Variants in DESI2 observed in about 807,000 individuals in gnomAD.
DESI2 encodes the protein desumoylating isopeptidase 2, also known as deubiquitinase DESI2.
In DESI2, 10 loss-of-function variants were observed where a neutral mutation model predicts 24.1. That is an observed-to-expected ratio of 0.41 (90% CI 0.26 to 0.70). The LOEUF (loss-of-function observed/expected upper bound fraction) is 0.70, where lower values mean the gene tolerates loss of function less well. Among genes scored for constraint, DESI2 ranks in the 30% least tolerant of loss-of-function variants. The pLI, the probability that DESI2 is intolerant of heterozygous loss-of-function variation, is 0.29. For synonymous variants in DESI2, 71 were observed against 87.7 expected, an observed-to-expected ratio of 0.81 and a Z score of 1.06; for missense variants, 122 against 234.9, an observed-to-expected ratio of 0.52 and a Z score of 3.14.
intron 1 of DESI2, among the ~76,000 whole-genome samples, chr1:244,676,218 A>G (rs1676410843): frequency 6.6e-6 from 1 of 151,982 alleles, no homozygotes; most frequent in Non-Finnish European, 1.5e-5. Context: ...CTGAAACTAC[A>G]GGTGCCTGCC....
chr1:244,682,362 A>G (rs890964128), intron 1 of DESI2, among the ~76,000 whole-genome samples: 14 of 152,182 alleles, frequency 9.2e-5, no homozygotes, highest in African/African-American at 3.4e-4. Flanking sequence ...AAGTTCTCCA[A>G]GTCCCCACCT....
intron 1 of DESI2, among the ~76,000 whole-genome samples, chr1:244,658,821 T>C (rs1376723417): frequency 6.6e-6 from 1 of 152,160 alleles, no homozygotes; most frequent in East Asian, 1.9e-4. Context: ...GGGAGGATTA[T>C]AGGAATGGGA....
At chr1:244,662,699 G>A (rs1327929045) in intron 1 of DESI2, among the ~76,000 whole-genome samples, 1 of 152,092 alleles carries the variant, frequency 6.6e-6, no homozygotes, top group Non-Finnish European at 1.5e-5. Flanking sequence ...AAGTCAGGAT[G>A]GTATAGTTAC....
chr1:244,708,634 C>T lies in DESI2; in HGVS notation c.*2845C>T, dbSNP rs1309515014. ...TGCTTCAGGGTTCTAATCTGTGTGTCTCCTTATGACTCCATTTCTGTAAGC... is the reference window on the plus strand; with the variant it reads ...TGCTTCAGGGTTCTAATCTGTGTGTTTCCTTATGACTCCATTTCTGTAAGC... On this transcript the variant is annotated 3_prime_UTR_variant, in exon 5 of 5. Coordinates refer to ENST00000302550, the MANE Select transcript of DESI2 (RefSeq NM_016076.5). 1 of 152,626 alleles carries T rather than the reference C, an allele frequency of 6.6e-6. No individual in the cohort carries two copies. Among genetic ancestry groups the T allele is most frequent in the Non-Finnish European group, 1.5e-5 (1 of 68,038 alleles). 9.5% of individuals were successfully genotyped at this position (152,626 alleles called of 1,614,324 possible).
Sources: allele counts gnomAD v4.1 joint callset (sites outside exome capture counted in the v4.1 genomes callset), GRCh38; gene constraint gnomAD v4.1.1; transcripts MANE v1.5; gene names NCBI Gene and HGNC (gene_info 2026-07-23, HGNC 2026-07-21).